ADGRV1: variants seen among roughly 807,000 people sequenced by gnomAD.
ADGRV1 encodes the protein G-protein coupled receptor 98.
In ADGRV1, 359 loss-of-function variants were observed where a neutral mutation model predicts 596.2. The ratio of observed to expected loss-of-function variants is 0.60; its 90% confidence interval spans 0.55 to 0.66. The LOEUF (loss-of-function observed/expected upper bound fraction) is 0.66, where lower values mean the gene tolerates loss of function less well. Ranked by LOEUF, ADGRV1 falls within the 30% of genes least tolerant of loss-of-function variation. The pLI is 0.00. For missense variants in ADGRV1, 7,274 were observed against 7,575.6 expected (o/e 0.96, Z 1.48); for synonymous variants, 2,681 against 2,679.2 (o/e 1.00, Z -0.02).
At chr5:90,765,888 T>A (rs1232149239) in intron 59 of ADGRV1, among the ~76,000 whole-genome samples, 2 of 151,348 alleles carry the variant, frequency 1.3e-5, no homozygotes, top group African/African-American at 2.4e-5. Context: ...TTTAATTTTT[T>A]AAAAATTTAT....
intron 86 of ADGRV1, among the ~76,000 whole-genome samples, chr5:91,099,287 G>A (rs1000494766): frequency 4.6e-5 from 7 of 151,106 alleles, no homozygotes; most frequent in Admixed American, 1.3e-4. Context: ...AAAAGTGTTC[G>A]GGTTCCCTTT....
Position 90,828,962 on chromosome 5 carries a change from T to C in ADGRV1, c.16387T>C (p.Tyr5463His), listed in dbSNP as rs1428812694. The change falls in exon 77 of 90, where the codon TAT becomes CAT. Residue 5463 changes from tyrosine (Y) to histidine (H), a missense_variant. Physicochemically the swap from Tyr to His is moderately conservative, Grantham distance 83. Transcript: ENST00000405460. The stretch of plus-strand genomic sequence containing the variant: ...TTGTCAGGTACCACAGGTTGAAGTG[T>C]ATTTTTTTGTGGAACTATATGAAGC... Reference protein sequence around the residue: ...KPEKVPQVEVYFFVELYEATA... With the variant: ...KPEKVPQVEVHFFVELYEATA... The C allele has an allele frequency of 1.3e-6, 2 of 1,585,292 alleles. No homozygotes were observed. The highest frequency in any genetic ancestry group is 1.7e-6 in the Non-Finnish European group (2 of 1,162,628).
In ADGRV1 at chr5:90,694,665, T is replaced by A; in HGVS notation, c.7909T>A (p.Phe2637Ile). Residue 2637 changes from phenylalanine to isoleucine, a missense_variant, in exon 33 of 90, where the codon TTT becomes ATT. This residue lies in a region of ADGRV1 where 3,643 missense variants were observed against 3,809.2 expected (regional missense o/e 0.96). Transcript: ENST00000405460. ...VGGTATEGLD[F>I]IGAGEILTFA... ...TGGAACAGCTACTGAAGGTTTAGATTTTATAGGTGCTGGAGAGATTCTGAC... is the reference window on the plus strand; with the variant it reads ...TGGAACAGCTACTGAAGGTTTAGATATTATAGGTGCTGGAGAGATTCTGAC... 6.2e-7 allele frequency: 1 copy of A among 1,608,248 alleles called. No individual in the cohort carries two copies. Among genetic ancestry groups the A allele is most frequent in the Non-Finnish European group, 8.5e-7 (1 of 1,176,864 alleles).
chr5:90,645,312 A>G (rs1767588198), intron 15 of ADGRV1, among the ~76,000 whole-genome samples: 1 of 152,180 alleles, frequency 6.6e-6, no homozygotes. Context: ...TAGGAGAGTG[A>G]CACTTAGAAC....
intron 83 of ADGRV1, among the ~76,000 whole-genome samples, chr5:90,951,649 T>A (rs1430641816): frequency 1.3e-5 from 2 of 152,204 alleles, no homozygotes; most frequent in Non-Finnish European, 2.9e-5. Flanking sequence ...AATAAGTGAA[T>A]GTCTCCAATT....
At chr5:91,106,915 C>T (rs531543103) in intron 87 of ADGRV1, among the ~76,000 whole-genome samples, 7 of 152,212 alleles carry the variant, frequency 4.6e-5, no homozygotes, top group South Asian at 2.1e-4. Flanking sequence ...TTTGCAGTTG[C>T]GGGTAGAAAA....
Position 90,802,856 on chromosome 5 carries a change from GTC to G in ADGRV1, c.14639_14640del (p.Ser4880Ter), listed in dbSNP as rs780664266. ...LQEAKSAVLPVSEKAANSQVG... is the reference protein window; with the variant it reads ...LQEAKSAVLPXSEKAANSQVG... Reference sequence around the variant, plus strand: ...GGAAGCAAAATCTGCTGTCCTTCCAGTCTCTGAGAAAGCTGCCAATTCTCAGG... The same window carrying G: ...GGAAGCAAAATCTGCTGTCCTTCCAGTCTGAGAAAGCTGCCAATTCTCAGG... On this transcript the variant is annotated frameshift_variant, in exon 71 of 90. Coordinates refer to ENST00000405460, the MANE Select transcript of ADGRV1 (RefSeq NM_032119.4). LOFTEE classifies it high-confidence loss of function. 1 of 1,608,888 alleles carries G rather than the reference GTC, an allele frequency of 6.2e-7. No individual in the cohort carries two copies. The highest frequency in any genetic ancestry group is 1.1e-5 in the South Asian group (1 of 89,672).
chr5:90,740,207 T>C (rs936519454), intron 50 of ADGRV1, among the ~76,000 whole-genome samples: 2 of 152,074 alleles, frequency 1.3e-5, no homozygotes, highest in African/African-American at 2.4e-5. Flanking sequence ...TTGTGGATAA[T>C]GCTGACCTGC....
chr5:90,970,909 G>C (rs1024742118), intron 84 of ADGRV1, among the ~76,000 whole-genome samples: 1 of 152,142 alleles, frequency 6.6e-6, no homozygotes, highest in Non-Finnish European at 1.5e-5. Flanking sequence ...ACTTCTCTGA[G>C]CTAAAGGAGG....
chr5:90,797,924 A>G (rs1185078199), intron 70 of ADGRV1, among the ~76,000 whole-genome samples: 1 of 152,234 alleles, frequency 6.6e-6, no homozygotes, highest in Non-Finnish European at 1.5e-5. Flanking sequence ...GACACAGCTA[A>G]CACAGTGTTT....
At chr5:90,697,857 TA>T (rs1747399848) in intron 34 of ADGRV1, among the ~76,000 whole-genome samples, 2 of 152,176 alleles carry the variant, frequency 1.3e-5, no homozygotes, top group East Asian at 1.9e-4. Context: ...TATCTGGAAT[TA>T]AAAAAATAAT....
intron 1 of ADGRV1, among the ~76,000 whole-genome samples, chr5:90,598,795 C>T (rs748678537): frequency 1.3e-5 from 2 of 152,156 alleles, no homozygotes; most frequent in African/African-American, 2.4e-5. Flanking sequence ...TGGAAAATAA[C>T]GGAGTGCTGA....
chr5:90,809,805 CA>C (rs769935931), intron 73 of ADGRV1, among the ~76,000 whole-genome samples: 1 of 152,208 alleles, frequency 6.6e-6, no homozygotes, highest in Non-Finnish European at 1.5e-5. Context: ...CCATTACTGG[CA>C]GCTGAAGAAA....
At chr5:90,888,782 T>C (rs994252856) in intron 83 of ADGRV1, among the ~76,000 whole-genome samples, 9 of 152,132 alleles carry the variant, frequency 5.9e-5, no homozygotes, top group African/African-American at 2.2e-4. Flanking sequence ...GATGTTGGCA[T>C]ACTTTTCACA....
intron 66 of ADGRV1, 141 bp downstream of exon 66, chr5:90,783,466 T>C (rs923872621): frequency 3.0e-6 from 2 of 660,642 alleles, no homozygotes; most frequent in Non-Finnish European, 5.3e-6. Flanking sequence ...TTTGGGGTAC[T>C]AGGGGTAGGG....
At chr5:90,842,172 G>A (rs756919552) in intron 78 of ADGRV1, among the ~76,000 whole-genome samples, 18 of 152,160 alleles carry the variant, frequency 1.2e-4, no homozygotes, top group Non-Finnish European at 1.8e-4. Context: ...AATAAGTTAT[G>A]TATGTTAACC....
chr5:90,831,267 A>G (rs1233319031), intron 77 of ADGRV1, among the ~76,000 whole-genome samples: 4 of 150,306 alleles, frequency 2.7e-5, no homozygotes, highest in Non-Finnish European at 4.4e-5. Flanking sequence ...ACATACGTAT[A>G]TATACATATA....
chr5:90,625,366 A>G (rs1764604841), intron 6 of ADGRV1, 123 bp downstream of exon 6: 1 of 551,234 alleles, frequency 1.8e-6, no homozygotes, highest in South Asian at 3.1e-5. Flanking sequence ...GTTCTGGAAT[A>G]CATCTTATTA....
chr5:90,568,041 TTTA>T (rs1318793837), intron 1 of ADGRV1, among the ~76,000 whole-genome samples: 2 of 152,092 alleles, frequency 1.3e-5, no homozygotes, highest in Non-Finnish European at 2.9e-5. Context: ...CCCAGTCCCT[TTTA>T]TTATCTTTTC....
Sources: gnomAD v4.1 joint callset for allele counts (sites outside exome capture counted in the v4.1 genomes callset) on GRCh38, gnomAD v4.1.1 for gene constraint, gnomAD v4.1.1 regional missense constraint, MANE v1.5 for transcripts, NCBI Gene and HGNC (gene_info 2026-07-23, HGNC 2026-07-21) for gene names.